BCAR3: variants seen among roughly 807,000 people sequenced by gnomAD.
BCAR3 encodes breast cancer anti-estrogen resistance protein 3.
BCAR3 carries 37 observed loss-of-function variants against 80.1 expected under a neutral mutation model. That is an observed-to-expected ratio of 0.46 (90% confidence interval 0.36 to 0.61). BCAR3 has a LOEUF of 0.61. Among genes scored for constraint, BCAR3 ranks in the 20% least tolerant of loss-of-function variants. The pLI is 0.00. For missense variants in BCAR3, 978 were observed against 1,068.2 expected (o/e 0.92, Z 1.18); for synonymous variants, 389 against 418.9 (o/e 0.93, Z 0.87).
chr1:93,805,286 A>T (rs1315222137), intron 2 of BCAR3, among the ~76,000 whole-genome samples: 2 of 152,244 alleles, frequency 1.3e-5, no homozygotes, highest in Admixed American at 6.5e-5. Context: ...AGCAGGGTGG[A>T]GTGAGCTGCA....
upstream of BCAR3, among the ~76,000 whole-genome samples, chr1:93,683,316 A>T (rs867712745): frequency 2.0e-5 from 3 of 152,210 alleles, no homozygotes; most frequent in South Asian, 6.2e-4. Flanking sequence ...TACCACCCAG[A>T]ATGACTAAAA....
rs149161122 is a variant in BCAR3, at chr1:93,642,335, T to C, written c.326A>G (p.His109Arg). Reference protein sequence around the residue: ...HGETFTFRDPHLLDPTVEYVK... With the variant: ...HGETFTFRDPRLLDPTVEYVK... ...ATATTCCACAGTTGGGTCCAGAAGA[T>C]GTGGATCCCTGAAAAGAGAAAATAT... Residue 109 changes from histidine (H) to arginine (R), a missense_variant, in exon 3 of 12, where the codon CAT becomes CGT. Coordinates refer to ENST00000260502, the MANE Select transcript of BCAR3 (RefSeq NM_003567.4). 6.8e-6 allele frequency: 11 copies of C among 1,613,162 alleles called. No individual in the cohort carries two copies. In the African/African-American group the frequency reaches 1.3e-4, roughly 20 times the overall value.
intron 3 of BCAR3, among the ~76,000 whole-genome samples, chr1:93,616,052 T>A (rs10489541): frequency 6.6e-6 from 1 of 152,146 alleles, no homozygotes; most frequent in African/African-American, 2.4e-5. Flanking sequence ...AACTCAGACA[T>A]GTAAATCACA....
chr1:93,800,575 CTAAA>C (rs3068793), intron 2 of BCAR3, among the ~76,000 whole-genome samples: 46,428 of 150,484 alleles, frequency 0.31, 10,007 homozygotes, highest in African/African-American at 0.62. Flanking sequence ...GACTCTGTCT[CTAAA>C]TAAATAAATA....
intron 8 of BCAR3, among the ~76,000 whole-genome samples, chr1:93,572,729 C>T (rs1054769717): frequency 1.1e-4 from 17 of 152,294 alleles, no homozygotes; most frequent in Non-Finnish European, 1.5e-4. Flanking sequence ...GTGCTGGAGG[C>T]GAAGCCCCAG....
chr1:93,584,521 A>G (rs959254259), intron 5 of BCAR3, among the ~76,000 whole-genome samples: 2 of 152,242 alleles, frequency 1.3e-5, no homozygotes, highest in East Asian at 1.9e-4. Flanking sequence ...CCTAACTAAC[A>G]TGCATTTTCC....
chr1:93,622,976 G>A (rs191685644), intron 3 of BCAR3, among the ~76,000 whole-genome samples: 1 of 152,134 alleles, frequency 6.6e-6, no homozygotes, highest in Admixed American at 6.5e-5. Context: ...CAGGACTCCC[G>A]GTTGGGTCAC....
intron 2 of BCAR3, among the ~76,000 whole-genome samples, chr1:93,796,529 G>A (rs1366173749): frequency 3.3e-5 from 5 of 150,702 alleles, no homozygotes; most frequent in Admixed American, 6.6e-5. Context: ...CACGGTGCGC[G>A]CACACACTGG....
intron 2 of BCAR3, among the ~76,000 whole-genome samples, chr1:93,840,923 G>C (rs2100849381): frequency 1.3e-5 from 2 of 152,290 alleles, no homozygotes; most frequent in South Asian, 4.2e-4. Flanking sequence ...CACAATGCTA[G>C]GGACTGAGGT....
At chr1:93,710,936 A>G (rs181549290) in intron 2 of BCAR3, among the ~76,000 whole-genome samples, 1 of 152,316 alleles carries the variant, frequency 6.6e-6, no homozygotes, top group Admixed American at 6.5e-5. Flanking sequence ...ATCTGGAGCT[A>G]TAGGATCTCC....
At chr1:93,600,084 C>G (rs1279059670) in intron 3 of BCAR3, among the ~76,000 whole-genome samples, 1 of 152,234 alleles carries the variant, frequency 6.6e-6, no homozygotes, top group Admixed American at 6.5e-5. Context: ...ATGACAGCCA[C>G]AGTCTCTTTC....
chr1:93,595,258 A>G (rs1557851988), intron 3 of BCAR3, among the ~76,000 whole-genome samples: 1 of 152,238 alleles, frequency 6.6e-6, no homozygotes, highest in Non-Finnish European at 1.5e-5. Flanking sequence ...ATATTTTATG[A>G]AAAGTTTGAA....
chr1:93,803,968 G>C (rs1040722571), intron 2 of BCAR3, among the ~76,000 whole-genome samples: 1 of 152,172 alleles, frequency 6.6e-6, no homozygotes, highest in African/African-American at 2.4e-5. Context: ...ATCCTATCCT[G>C]CCTCTGTGCT....
At chr1:93,845,033 T>C (rs1392198200) in intron 2 of BCAR3, among the ~76,000 whole-genome samples, 1 of 152,214 alleles carries the variant, frequency 6.6e-6, no homozygotes, top group East Asian at 1.9e-4. Flanking sequence ...GAATAAAATA[T>C]CTAAAATTAT....
intron 2 of BCAR3, among the ~76,000 whole-genome samples, chr1:93,802,778 C>T (rs1003977992): frequency 6.6e-6 from 1 of 152,164 alleles, no homozygotes; most frequent in Admixed American, 6.5e-5. Context: ...AATCTTGTGG[C>T]CCACCTTCTG....
chr1:93,806,992 C>G (rs567145801), intron 2 of BCAR3, among the ~76,000 whole-genome samples: 1 of 152,072 alleles, frequency 6.6e-6, no homozygotes, highest in Non-Finnish European at 1.5e-5. Context: ...GTCGTCCCAG[C>G]TACTTGAGGG....
chr1:93,697,796 T>C (rs1649471853), intron 3 of BCAR3, among the ~76,000 whole-genome samples: 1 of 151,956 alleles, frequency 6.6e-6, no homozygotes, highest in Non-Finnish European at 1.5e-5. Context: ...CTGACCAACA[T>C]GGCGAAACCC....
intron 2 of BCAR3, among the ~76,000 whole-genome samples, chr1:93,730,262 G>C (rs1347924321): frequency 6.6e-6 from 1 of 152,066 alleles, no homozygotes; most frequent in Non-Finnish European, 1.5e-5. Flanking sequence ...TCCACAGAGA[G>C]GCCTTCACTG....
chr1:93,715,179 G>C (rs1282376314), intron 2 of BCAR3, among the ~76,000 whole-genome samples: 1 of 152,132 alleles, frequency 6.6e-6, no homozygotes, highest in Non-Finnish European at 1.5e-5. Context: ...TATTCTTCCT[G>C]GCTCAACTTC....
Sources: allele counts gnomAD v4.1 joint callset (sites outside exome capture counted in the v4.1 genomes callset), GRCh38; gene constraint gnomAD v4.1.1; transcripts MANE v1.5; gene names NCBI Gene and HGNC (gene_info 2026-07-23, HGNC 2026-07-21).